TXNDC5: variants seen among roughly 807,000 people sequenced by gnomAD.
The protein encoded by TXNDC5 is thioredoxin domain-containing protein 5.
TXNDC5 carries 44 observed loss-of-function variants against 52.6 expected under a neutral mutation model. The observed-to-expected ratio is 0.84, with a 90% CI of 0.66 to 1.08. The LOEUF (loss-of-function observed/expected upper bound fraction) is 1.08. Ranked by LOEUF, TXNDC5 falls within the 50% of genes least tolerant of loss-of-function variation. TXNDC5 has a pLI of 0.00. For missense variants in TXNDC5, 600 were observed against 565.5 expected (o/e 1.06, Z -0.62); for synonymous variants, 241 against 234.4 (o/e 1.03, Z -0.26).
chr6:7,908,704 AC>A (rs1401024700), intron 1 of TXNDC5, among the ~76,000 whole-genome samples: 2 of 151,912 alleles, frequency 1.3e-5, no homozygotes, highest in African/African-American at 2.4e-5. Context: ...GGGTGTGATG[AC>A]CTGCGCCTGT....
intron 3 of TXNDC5, among the ~76,000 whole-genome samples, chr6:7,895,887 G>A (rs928241794): frequency 6.6e-6 from 1 of 152,192 alleles, no homozygotes; most frequent in Non-Finnish European, 1.5e-5. Flanking sequence ...CAGCTACTTG[G>A]GAGGCTGAGG....
chr6:7,883,026 C>CTTAGT lies in TXNDC5; in HGVS notation c.*113_*117dup. Reference sequence around the variant, plus strand: ...ACACACACAAAGAAGATACCTCACGCTTAGTATGTTCTGCTTTCTGAACAG... The same window carrying CTTAGT: ...ACACACACAAAGAAGATACCTCACGCTTAGTTTAGTATGTTCTGCTTTCTGAACAG... On this transcript the variant is annotated 3_prime_UTR_variant, in exon 10 of 10. Transcript: ENST00000379757. 10 of 1,387,318 alleles carry CTTAGT rather than the reference C, an allele frequency of 7.2e-6. No individual in the cohort carries two copies. The highest frequency in any genetic ancestry group is 9.0e-6 in the Non-Finnish European group (9 of 1,002,170). 85.9% of individuals were successfully genotyped at this position (1,387,318 alleles called of 1,614,324 possible). A position where few individuals can be genotyped will look rare whatever the true frequency, so the allele number is the denominator to read the frequency against.
At chr6:7,887,613 A>C (rs1319957269) in intron 7 of TXNDC5, among the ~76,000 whole-genome samples, 1 of 152,148 alleles carries the variant, frequency 6.6e-6, no homozygotes, top group Non-Finnish European at 1.5e-5. Flanking sequence ...CTAATAGAGC[A>C]GCTTCCCACC....
chr6:7,906,085 T>A (rs1760718856), intron 1 of TXNDC5, among the ~76,000 whole-genome samples: 1 of 150,498 alleles, frequency 6.6e-6, no homozygotes, highest in Non-Finnish European at 1.5e-5. Flanking sequence ...CAAAAAATTT[T>A]AAAAAATTAG....
chr6:7,886,609 C>G (rs369398690), intron 7 of TXNDC5, among the ~76,000 whole-genome samples: 7 of 152,210 alleles, frequency 4.6e-5, no homozygotes, highest in African/African-American at 1.7e-4. Flanking sequence ...GCAGCCTGTT[C>G]TAAGTCAATG....
At chr6:7,890,402 G>A (rs543451462) in intron 5 of TXNDC5, among the ~76,000 whole-genome samples, 192 of 152,310 alleles carry the variant, frequency 1.3e-3, no homozygotes, top group Non-Finnish European at 2.3e-3. Context: ...GAGAGGACAA[G>A]CATTTTTAAG....
intron 9 of TXNDC5, among the ~76,000 whole-genome samples, 195 bp downstream of exon 9, chr6:7,884,164 C>T (rs1759870303): frequency 6.6e-6 from 1 of 152,192 alleles, no homozygotes; most frequent in African/African-American, 2.4e-5. Context: ...ATACTAACTA[C>T]AAAGCGGGCG....
chr6:7,899,448 G>A, intron 3 of TXNDC5, 128 bp downstream of exon 3: 1 of 562,480 alleles, frequency 1.8e-6, no homozygotes, highest in Non-Finnish European at 3.0e-6. Context: ...AAAAAGTAGA[G>A]TTGCTTTAAA....
At position 7,881,718 on chromosome 6, in the gene TXNDC5, C is replaced by T. The variant is rs549603817; in HGVS notation, c.*1426G>A. On this transcript the variant is annotated 3_prime_UTR_variant, in exon 10 of 10. Transcript: ENST00000379757. The stretch of plus-strand genomic sequence containing the variant: ...AACCATACGTGATTAATAAAGATTT[C>T]CTTTAAGGCAGAGGCTGGTCGAGAT... 21 of 152,234 alleles carry T rather than the reference C, an allele frequency of 1.4e-4. No homozygotes were observed. The highest frequency in any genetic ancestry group is 4.8e-4 in the African/African-American group (20 of 41,524). The allele number at this position is 152,234 out of a possible 1,614,324, so 9.4% of individuals were successfully genotyped here.
At chr6:7,899,782 C>T (rs1760502105) in intron 2 of TXNDC5, 101 bp from the exon 3 acceptor site, 1 of 818,396 alleles carries the variant, frequency 1.2e-6, no homozygotes, top group Non-Finnish European at 1.9e-6. Context: ...TGTCAAGGGG[C>T]TGCAGCCAGG....
At chr6:7,890,229 T>C (rs151309257) in intron 5 of TXNDC5, among the ~76,000 whole-genome samples, 168 of 152,326 alleles carry the variant, frequency 1.1e-3, no homozygotes, top group Non-Finnish European at 2.0e-3. Context: ...TTCTAAGTCA[T>C]TGCTTTCTTT....
At chr6:7,908,265 G>C (rs1760800373) in intron 1 of TXNDC5, among the ~76,000 whole-genome samples, 1 of 115,216 alleles carries the variant, frequency 8.7e-6, no homozygotes, top group Admixed American at 1.3e-4. Flanking sequence ...CCTGGCAACA[G>C]AGCAAGACTC....
chr6:7,909,735 G>A (rs1760851452), intron 1 of TXNDC5: 7 of 976,210 alleles, frequency 7.2e-6, no homozygotes, highest in Non-Finnish European at 8.5e-6. Context: ...TGGTCTTCCC[G>A]GGGTAGCTCA....
chr6:7,887,577 T>A (rs1760034624), intron 7 of TXNDC5, among the ~76,000 whole-genome samples: 1 of 152,152 alleles, frequency 6.6e-6, no homozygotes, highest in South Asian at 2.1e-4. Context: ...GGCTGCAGCA[T>A]GAGGGAACGC....
chr6:7,908,953 C>G lies in TXNDC5; in HGVS notation c.263+1561G>C, dbSNP rs532688239. Among the ~76,000 whole-genome samples, 20 of 152,198 alleles carry G rather than the reference C, an allele frequency of 1.3e-4. 1 individual carries two copies. The South Asian group carries it at 3.5e-3, about 27-fold the overall frequency. On this transcript the variant is annotated intron_variant, in intron 1 of 9. Transcript: ENST00000379757. Reference sequence around the variant, plus strand: ...TTGAAATAGTTGCTGAGAATACTCCCGAACAAAGAGAAACTGTTAATACTG... The same window carrying G: ...TTGAAATAGTTGCTGAGAATACTCCGGAACAAAGAGAAACTGTTAATACTG...
Position 7,909,877 on chromosome 6 carries a change from C to G in TXNDC5, c.263+637G>C, listed in dbSNP as rs185809803. ...GGACGTGCCCGCAGTCTGTCCCAGCCGACCCCGGTGGCCGCGGCAGCAGCA... is the reference window on the plus strand; with the variant it reads ...GGACGTGCCCGCAGTCTGTCCCAGCGGACCCCGGTGGCCGCGGCAGCAGCA... On this transcript the variant is annotated intron_variant, in intron 1 of 9. Transcript: ENST00000379757. 2.2e-4 allele frequency: 212 copies of G among 986,032 alleles called. 2 individuals carry two copies. In the African/African-American group the frequency reaches 3.4e-3, roughly 16 times the overall value. The allele number at this position is 986,032 out of a possible 1,614,324, so 61.1% of individuals were successfully genotyped here.
intron 3 of TXNDC5, among the ~76,000 whole-genome samples, chr6:7,898,422 T>G (rs1760447420): frequency 6.6e-6 from 1 of 152,106 alleles, no homozygotes. Context: ...TCTGATTAGG[T>G]CATCAGAGAA....
In TXNDC5 at chr6:7,904,594, CT is replaced by C. The variant is rs770849127; in HGVS notation, c.392del (p.Gln131ArgfsTer9). 5 of 1,614,112 alleles carry C rather than the reference CT, an allele frequency of 3.1e-6. No individual in the cohort carries two copies. The highest frequency in any genetic ancestry group is 2.2e-5 in the East Asian group (1 of 44,902). ...CTTACGTGGGGTATCCTCGCACCCC[CT>C]GGGCGGAGCACACGTCGGAGTGGGC... is the stretch of plus-strand genomic sequence containing the variant. ...CTAHSDVCSA[Q>X]GVRGYPTLKL... is the part of the protein sequence containing the mutation. On this transcript the variant is annotated frameshift_variant, in exon 2 of 10. Transcript: ENST00000379757. LOFTEE classifies it high-confidence loss of function.
intron 3 of TXNDC5, among the ~76,000 whole-genome samples, chr6:7,898,970 G>A (rs1262346966): frequency 2.6e-5 from 4 of 152,166 alleles, no homozygotes; most frequent in Admixed American, 2.0e-4. Flanking sequence ...CTCGGGGACT[G>A]AGCACCGAGA....
Sources: allele counts gnomAD v4.1 joint callset (sites outside exome capture counted in the v4.1 genomes callset), GRCh38; gene constraint gnomAD v4.1.1; transcripts MANE v1.5; gene names NCBI Gene and HGNC (gene_info 2026-07-23, HGNC 2026-07-21).